Variants in COBLL1 observed in about 807,000 individuals in gnomAD.
COBLL1 encodes cordon-bleu WH2 repeat protein like 1.
COBLL1 carries 50 observed loss-of-function variants against 94.8 expected under a neutral mutation model. The ratio of observed to expected loss-of-function variants is 0.53; its 90% CI spans 0.42 to 0.67. The LOEUF is 0.67. Among genes scored for constraint, COBLL1 ranks in the 30% least tolerant of loss-of-function variants. COBLL1 has a pLI of 0.00. For missense variants in COBLL1, 1,362 were observed against 1,348.7 expected (o/e 1.01, Z -0.15); for synonymous variants, 448 against 473.8 (o/e 0.95, Z 0.71).
Position 164,701,926 on chromosome 2 carries a change from C to T in COBLL1, c.1226-1170G>A, listed in dbSNP as rs376236543. ...GGGGCGGGGTGGGGAGGTGGTGTAG[C>T]ATCCAATTATAGTAATCAGCACATT... On this transcript the variant is annotated intron_variant, in intron 9 of 13. Coordinates refer to ENST00000652658, the MANE Select transcript of COBLL1 (RefSeq NM_001365672.2). 3.3e-5 allele frequency among the ~76,000 whole-genome samples: 5 copies of T among 151,702 alleles called. No individual in the cohort carries two copies. The East Asian group carries it at 5.8e-4, about 18-fold the overall frequency.
At chr2:164,818,308 AT>A (rs1684925663) in intron 2 of COBLL1, among the ~76,000 whole-genome samples, 1 of 149,064 alleles carries the variant, frequency 6.7e-6, no homozygotes, top group East Asian at 1.9e-4. Flanking sequence ...ATATGTATAC[AT>A]ATACACGTGT....
At chr2:164,765,349 C>G (rs1687879630) in intron 2 of COBLL1, among the ~76,000 whole-genome samples, 1 of 152,152 alleles carries the variant, frequency 6.6e-6, no homozygotes, top group African/African-American at 2.4e-5. Context: ...TTGCAACAGT[C>G]TGCAAGATCA....
intron 2 of COBLL1, among the ~76,000 whole-genome samples, chr2:164,756,438 C>T (rs1687410487): frequency 6.6e-6 from 1 of 151,996 alleles, no homozygotes; most frequent in African/African-American, 2.4e-5. Flanking sequence ...ATTTTCAATT[C>T]CAAAACCCTG....
At chr2:164,797,170 C>A (rs776365413) in intron 2 of COBLL1, among the ~76,000 whole-genome samples, 4 of 152,202 alleles carry the variant, frequency 2.6e-5, no homozygotes, top group Non-Finnish European at 4.4e-5. Flanking sequence ...AGGTAGAATG[C>A]GAATGTAACT....
At chr2:164,797,671 C>T (rs988538288) in intron 2 of COBLL1, among the ~76,000 whole-genome samples, 1 of 152,046 alleles carries the variant, frequency 6.6e-6, no homozygotes, top group African/African-American at 2.4e-5. Context: ...CTTGTTTTTT[C>T]AAGAAGTTCT....
At chr2:164,708,617 C>G (rs1180884578) in intron 7 of COBLL1, among the ~76,000 whole-genome samples, 2 of 152,184 alleles carry the variant, frequency 1.3e-5, no homozygotes, top group African/African-American at 4.8e-5. Context: ...TGGCCCTTCA[C>G]TTTAAAAAAA....
chr2:164,760,661 A>T (rs1321380416), intron 2 of COBLL1, among the ~76,000 whole-genome samples: 1 of 152,148 alleles, frequency 6.6e-6, no homozygotes, highest in East Asian at 1.9e-4. Context: ...TGATATTATT[A>T]TTGGGGGAAA....
At chr2:164,802,609 G>A (rs547826295) in intron 2 of COBLL1, among the ~76,000 whole-genome samples, 1 of 152,270 alleles carries the variant, frequency 6.6e-6, no homozygotes, top group Admixed American at 6.5e-5. Context: ...GGTCCATTGG[G>A]TGATCTGATA....
chr2:164,691,857 CA>C (rs1683614135), intron 13 of COBLL1, among the ~76,000 whole-genome samples: 2 of 152,120 alleles, frequency 1.3e-5, no homozygotes, highest in South Asian at 4.1e-4. Context: ...GCTATGACTA[CA>C]AACTTGTAGG....
At chr2:164,833,002 C>G (rs1038703747) in intron 2 of COBLL1, among the ~76,000 whole-genome samples, 1 of 151,840 alleles carries the variant, frequency 6.6e-6, no homozygotes, top group Non-Finnish European at 1.5e-5. Flanking sequence ...GAGATAGCGC[C>G]ATTGCACTCC....
At chr2:164,677,108 T>C (rs1342727858), downstream of COBLL1, among the ~76,000 whole-genome samples, 1 of 152,132 alleles carries the variant, frequency 6.6e-6, no homozygotes, top group Non-Finnish European at 1.5e-5. Context: ...TTAGCAAACA[T>C]ATGTACATCT....
rs1553469790 is a variant in COBLL1 at position 164,702,575 on chromosome 2, A to AAAAAAAAT, written c.1226-1820_1226-1819insATTTTTTT. 2.5e-4 allele frequency among the ~76,000 whole-genome samples: 34 copies of AAAAAAAAT among 135,060 alleles called. 1 individual carries two copies. The highest frequency in any genetic ancestry group is 8.7e-4 in the African/African-American group (29 of 33,390). 88.6% of individuals were successfully genotyped at this position (135,060 alleles called of 152,430 possible). The stretch of plus-strand genomic sequence containing the variant: ...AGACTCCTCAAAAAAAAAAAAAAAA[A>AAAAAAAAT]AATAATAATAATAATAATTTGAAAA... On this transcript the variant is annotated intron_variant, in intron 9 of 13. Coordinates refer to ENST00000652658, the MANE Select transcript of COBLL1 (RefSeq NM_001365672.2).
intron 7 of COBLL1, among the ~76,000 whole-genome samples, chr2:164,706,862 G>T (rs1253993926): frequency 6.6e-6 from 1 of 152,078 alleles, no homozygotes; most frequent in Non-Finnish European, 1.5e-5. Context: ...CAGAAAAAAG[G>T]ATCCTATTAA....
At chr2:164,837,520 C>A in intron 2 of COBLL1, 2 of 441,674 alleles carry the variant, frequency 4.5e-6, no homozygotes, top group South Asian at 1.7e-5. Flanking sequence ...AAACGCAAAC[C>A]AACCTAGGAT....
At chr2:164,735,231 A>G (rs1363349412) in intron 3 of COBLL1, among the ~76,000 whole-genome samples, 7 of 152,202 alleles carry the variant, frequency 4.6e-5, no homozygotes, top group Non-Finnish European at 1.0e-4. Context: ...CAAGGGGCTC[A>G]AATGCATAGT....
chr2:164,686,132 T>G, intron 13 of COBLL1, 100 bp from the exon 14 acceptor site: 2 of 558,298 alleles, frequency 3.6e-6, no homozygotes, highest in South Asian at 5.3e-5. Context: ...TCTGCTTAAT[T>G]GTAAATGATA....
intron 2 of COBLL1, among the ~76,000 whole-genome samples, chr2:164,754,613 T>C (rs1298040860): frequency 6.6e-6 from 1 of 152,192 alleles, no homozygotes; most frequent in Non-Finnish European, 1.5e-5. Flanking sequence ...CAGTTCTACA[T>C]ACACGCTGTA....
At position 164,683,341 on chromosome 2, in the gene COBLL1, TATG is replaced by T. The variant is rs1476092539; in HGVS notation, c.*2602_*2604del. On this transcript the variant is annotated 3_prime_UTR_variant, in exon 14 of 14. Transcript: ENST00000652658. ...TCTTCCTTGTGCTGTTATTTTAGGA[TATG>T]ATGAGTGAAAACTACTTGTCACAAA... The T allele has an allele frequency of 6.6e-6, 1 of 152,042 alleles. No homozygotes were observed. The highest frequency in any genetic ancestry group is 1.5e-5 in the Non-Finnish European group (1 of 67,976). The allele number at this position is 152,042 out of a possible 1,614,324, so 9.4% of individuals were successfully genotyped here.
At chr2:164,772,704 A>G (rs355857) in intron 2 of COBLL1, among the ~76,000 whole-genome samples, 35,424 of 152,008 alleles carry the variant, frequency 0.23, 4,789 homozygotes, top group African/African-American at 0.37. Flanking sequence ...TTAGCTATCC[A>G]CAGATATTCT....
Sources: allele counts gnomAD v4.1 joint callset (sites outside exome capture counted in the v4.1 genomes callset), GRCh38; gene constraint gnomAD v4.1.1; transcripts MANE v1.5; gene names NCBI Gene and HGNC (gene_info 2026-07-23, HGNC 2026-07-21).